Variants in ERN1 observed in about 807,000 individuals in gnomAD.
The protein encoded by ERN1 is serine/threonine-protein kinase/endoribonuclease IRE1.
Under a neutral mutation model 113.1 loss-of-function variants are expected in ERN1, and 39 were observed. The observed-to-expected ratio is 0.34, with a 90% confidence interval of 0.27 to 0.45. The LOEUF is 0.45. Among genes scored for constraint, ERN1 ranks in the 20% least tolerant of loss-of-function variants. The pLI is 1.00. For synonymous variants in ERN1, 507 were observed against 515.9 expected (o/e 0.98, Z 0.23); for missense variants, 976 against 1,274.8 (o/e 0.77, Z 3.57).
At chr17:64,096,452 T>C (rs1275668755) in intron 2 of ERN1, among the ~76,000 whole-genome samples, 1 of 152,238 alleles carries the variant, frequency 6.6e-6, no homozygotes, top group African/African-American at 2.4e-5. Flanking sequence ...TTCTACATTA[T>C]GGTGAGTTGT....
chr17:64,057,807 G>C lies in ERN1; in HGVS notation c.1393C>G (p.Pro465Ala). The change falls in exon 12 of 22, where the codon CCC becomes GCC. Residue 465 changes from proline (P) to alanine (A), a missense_variant. By Grantham distance (27) the Pro-to-Ala change is conservative. Around this residue, in one of 5 missense-constraint regions of ERN1, gnomAD observed 16 missense variants for 42.3 expected, o/e 0.38. Coordinates refer to ENST00000433197, the MANE Select transcript of ERN1 (RefSeq NM_001433.5). The part of the protein sequence containing the change: ...IGWVAFIITY[P>A]LSMHQQQQLQ... Reference sequence around the variant, plus strand: ...GGGGAATTGTTGAGCTTTACCAGGGGATAGGTGATGATGAAGGCCACCCAG... The same window carrying C: ...GGGGAATTGTTGAGCTTTACCAGGGCATAGGTGATGATGAAGGCCACCCAG... 6.2e-7 allele frequency: 1 copy of C among 1,613,442 alleles called. No homozygotes were observed. Among genetic ancestry groups the C allele is most frequent in the South Asian group, 1.1e-5 (1 of 91,042 alleles).
At chr17:64,068,337 G>A (rs780377505) in intron 6 of ERN1, 46 bp from the exon 7 acceptor site, 2 of 1,329,000 alleles carry the variant, frequency 1.5e-6, no homozygotes, top group East Asian at 4.8e-5. Context: ...AGGGGCCATA[G>A]TACCTACTGA....
Position 64,044,934 on chromosome 17 carries a change from A to G in ERN1, c.2654-7T>C, listed in dbSNP as rs777544229. 17 of 1,579,732 alleles carry G rather than the reference A, an allele frequency of 1.1e-5. No homozygotes were observed. Among genetic ancestry groups the G allele is most frequent in the East Asian group, 2.3e-5 (1 of 44,048 alleles). ...GTCCTGAATTTACGCAGGTCTAGAA[A>G]AACATTGAGGGAAGCAATGGGTAAT... is the stretch of plus-strand genomic sequence containing the variant. On this transcript the variant is annotated splice_region_variant and splice_polypyrimidine_tract_variant and intron_variant, in intron 20 of 21. Transcript: ENST00000433197. The surrounding 1 kb of genome is among the most constrained non-coding windows in gnomAD (Gnocchi z 4.1).
intron 1 of ERN1, among the ~76,000 whole-genome samples, chr17:64,109,847 A>C (rs1036105217): frequency 6.6e-6 from 1 of 152,104 alleles, no homozygotes; most frequent in African/African-American, 2.4e-5. Context: ...CACTACTTTA[A>C]ATCACGGTTC....
At chr17:64,085,750 G>A (rs549460772) in intron 2 of ERN1, among the ~76,000 whole-genome samples, 15 of 152,208 alleles carry the variant, frequency 9.9e-5, no homozygotes, top group Non-Finnish European at 1.3e-4. Context: ...AAAACACTGC[G>A]ATCATTAGTG....
Position 64,052,825 on chromosome 17 carries a change from G to C in ERN1, c.2208C>G (p.Gly736=), listed in dbSNP as rs1305851798. 1.2e-6 allele frequency: 2 copies of C among 1,614,056 alleles called. No individual in the cohort carries two copies. The highest frequency in any genetic ancestry group is 1.7e-6 in the Non-Finnish European group (2 of 1,179,910). Residue 736 remains glycine, a synonymous_variant, in exon 17 of 22, where the codon GGC becomes GGG. Transcript: ENST00000433197. Reference sequence around the variant, plus strand: ...CGCTCAGCATCTCTGGAGCGATCCAGCCTTCTGTGCCAGGCACCCCAGATC... The same window carrying C: ...CGCTCAGCATCTCTGGAGCGATCCACCCTTCTGTGCCAGGCACCCCAGATC... The part of the protein sequence containing the change: ...SRRSGVPGTE[G]WIAPEMLSED...
chr17:64,129,870 C>A, intron 1 of ERN1, 106 bp downstream of exon 1: 1 of 1,097,972 alleles, frequency 9.1e-7, no homozygotes, highest in Non-Finnish European at 1.2e-6. Flanking sequence ...CTGGCCGCCG[C>A]CGTCGCGCTC....
chr17:64,089,462 T>C (rs1914029292), intron 2 of ERN1, among the ~76,000 whole-genome samples: 1 of 152,150 alleles, frequency 6.6e-6, no homozygotes. Flanking sequence ...CTGGAACATT[T>C]TGGGTTTCAG....
chr17:64,102,811 A>G, intron 1 of ERN1: 1 of 985,434 alleles, frequency 1.0e-6, no homozygotes, highest in Non-Finnish European at 1.2e-6. Context: ...GAGCCTGAAA[A>G]TGGAAAGAAA....
At position 64,098,229 on chromosome 17, in the gene ERN1, T is replaced by C. The variant is rs1186307760; in HGVS notation, c.67A>G (p.Thr23Ala). Residue 23 changes from threonine (T) to alanine (A), a missense_variant, in exon 2 of 22, where the codon ACC (threonine) becomes GCC (alanine). Thr to Ala is a moderately conservative substitution (Grantham distance 58). This residue lies in a region of ERN1 where 459 missense variants were observed against 581.2 expected (regional missense o/e 0.79). Transcript: ENST00000433197. ...LLPGLGIFGS[T>A]STVTLPETLL... ...GTTTCAGGAAGCGTCACTGTGCTGG[T>C]ACTTCCAAAAATCTGCAACGAGATG... is the stretch of plus-strand genomic sequence containing the variant. The C allele has an allele frequency of 1.2e-6, 2 of 1,613,836 alleles. No individual in the cohort carries two copies. Among genetic ancestry groups the C allele is most frequent in the Non-Finnish European group, 1.7e-6 (2 of 1,179,880 alleles).
At position 64,040,667 on chromosome 17, in the gene ERN1, CAG is replaced by C. The variant is rs1043758780; in HGVS notation, c.*3319_*3320del. On this transcript the variant is annotated 3_prime_UTR_variant, in exon 22 of 22. Coordinates refer to ENST00000433197, the MANE Select transcript of ERN1 (RefSeq NM_001433.5). The stretch of plus-strand genomic sequence containing the variant: ...TCCAGAACATCTATCTGTAACTGAT[CAG>C]AGTGATGTCTCCTTGGAAGGGCCTC... 6 of 152,210 alleles carry C rather than the reference CAG, an allele frequency of 3.9e-5. No homozygotes were observed. Among genetic ancestry groups the C allele is most frequent in the Admixed American group, 1.3e-4 (2 of 15,278 alleles). The allele number at this position is 152,210 out of a possible 1,614,324, so 9.4% of individuals were successfully genotyped here. A position where few individuals can be genotyped will look rare whatever the true frequency, so the allele number is the denominator to read the frequency against.
intron 2 of ERN1, among the ~76,000 whole-genome samples, chr17:64,089,201 C>A (rs1018893369): frequency 1.1e-4 from 16 of 151,630 alleles, no homozygotes; most frequent in Non-Finnish European, 2.2e-4. Context: ...CACGTGTAGT[C>A]CCAGCTACTC....
chr17:64,049,272 A>T lies in ERN1; in HGVS notation c.2254-70T>A, dbSNP rs1912609884. On this transcript the variant is annotated intron_variant, in intron 17 of 21. Transcript: ENST00000433197. This position sits in a 1 kb window ranked among gnomAD's most constrained non-coding sequence, Gnocchi z 4.7. Reference sequence around the variant, plus strand: ...CATCCTCACTCACAGTCAGGGAGGGAGGAGCATTGCTGCTGCTTCTGCCAC... The same window carrying T: ...CATCCTCACTCACAGTCAGGGAGGGTGGAGCATTGCTGCTGCTTCTGCCAC... 3.4e-6 allele frequency: 5 copies of T among 1,451,878 alleles called. No homozygotes were observed. 89.9% of individuals were successfully genotyped at this position (1,451,878 alleles called of 1,614,324 possible).
chr17:64,058,392 T>C (rs893096727), intron 11 of ERN1, among the ~76,000 whole-genome samples: 2 of 152,186 alleles, frequency 1.3e-5, no homozygotes, highest in African/African-American at 4.8e-5. Context: ...GATTTAATAA[T>C]ACCATTTCAC....
At chr17:64,064,211 A>C in intron 9 of ERN1, 60 bp from the exon 10 acceptor site, 4 of 1,506,892 alleles carry the variant, frequency 2.7e-6, no homozygotes. Context: ...CCCACGGCAC[A>C]CCATCCCAGC....
rs189603171 is a variant in ERN1, at chr17:64,050,328, A to C, written c.2254-1126T>G. 9.1e-4 allele frequency among the ~76,000 whole-genome samples: 138 copies of C among 152,304 alleles called. 1 individual carries two copies. Among genetic ancestry groups the C allele is most frequent in the South Asian group, 1.7e-3 (8 of 4,822 alleles). On this transcript the variant is annotated intron_variant, in intron 17 of 21. Coordinates refer to ENST00000433197, the MANE Select transcript of ERN1 (RefSeq NM_001433.5). ...ACACTCTCTGCAGCCTGCTGTCCCC[A>C]GCACAGACAACACTAAGGTGAAGAG...
intron 8 of ERN1, 104 bp downstream of exon 8, chr17:64,066,567 A>G (rs1913231914): frequency 8.0e-6 from 11 of 1,382,564 alleles, no homozygotes; most frequent in Non-Finnish European, 1.1e-5. Flanking sequence ...ATGGCTTCAG[A>G]GACTGCCCTG....
chr17:64,070,490 G>A (rs1029861642), intron 6 of ERN1, among the ~76,000 whole-genome samples: 1 of 152,152 alleles, frequency 6.6e-6, no homozygotes, highest in African/African-American at 2.4e-5. Context: ...TTTACTTAAT[G>A]GAAAAGGTAA....
chr17:64,057,354 C>CGT (rs1912902905), intron 12 of ERN1, among the ~76,000 whole-genome samples: 1 of 15,812 alleles, frequency 6.3e-5, no homozygotes, highest in Admixed American at 1.2e-3. Context: ...CAAACACTGA[C>CGT]TTTTTTTTTC....
Sources: allele counts gnomAD v4.1 joint callset (sites outside exome capture counted in the v4.1 genomes callset), GRCh38; gene constraint gnomAD v4.1.1; regional missense constraint gnomAD v4.1.1; non-coding constraint Gnocchi (gnomAD v3.1); transcripts MANE v1.5; gene names NCBI Gene and HGNC (gene_info 2026-07-23, HGNC 2026-07-21).